CDKAL1: variants seen among roughly 807,000 people sequenced by gnomAD.
CDKAL1 encodes threonylcarbamoyladenosine tRNA methylthiotransferase.
Under a neutral mutation model 68.2 loss-of-function variants are expected in CDKAL1, and 32 were observed. The ratio of observed to expected loss-of-function variants is 0.47; its 90% CI spans 0.35 to 0.63. The LOEUF (loss-of-function observed/expected upper bound fraction) is 0.63. Among genes scored for constraint, CDKAL1 ranks in the 30% least tolerant of loss-of-function variants. The pLI, the probability that CDKAL1 is intolerant of heterozygous loss-of-function variation, is 0.00. For synonymous variants in CDKAL1, 234 were observed against 244.3 expected (o/e 0.96, Z 0.39); for missense variants, 606 against 696.7 (o/e 0.87, Z 1.47).
At chr6:21,225,018 T>TAACA (rs1220426032) in intron 15 of CDKAL1, among the ~76,000 whole-genome samples, 1 of 152,136 alleles carries the variant, frequency 6.6e-6, no homozygotes, top group Admixed American at 6.5e-5. Flanking sequence ...TGCATTCAGC[T>TAACA]AACACTGGCC....
intron 10 of CDKAL1, among the ~76,000 whole-genome samples, chr6:20,958,906 A>G (rs186539751): frequency 6.6e-6 from 1 of 152,338 alleles, no homozygotes; most frequent in Non-Finnish European, 1.5e-5. Context: ...AAAGAAAAAA[A>G]ACCAAACAGT....
intron 9 of CDKAL1, among the ~76,000 whole-genome samples, chr6:20,862,671 G>T (rs1469170503): frequency 6.6e-6 from 1 of 151,446 alleles, no homozygotes; most frequent in Non-Finnish European, 1.5e-5. Flanking sequence ...GTGCGCGCGT[G>T]CATGCGCGCG....
chr6:20,821,053 C>T (rs547986194), intron 8 of CDKAL1, among the ~76,000 whole-genome samples: 7 of 151,796 alleles, frequency 4.6e-5, no homozygotes, highest in East Asian at 1.9e-4. Flanking sequence ...AGGGTCTCAG[C>T]GAAGCAAAAG....
intron 15 of CDKAL1, among the ~76,000 whole-genome samples, chr6:21,204,540 A>C (rs1582412173): frequency 1.3e-5 from 2 of 152,220 alleles, no homozygotes; most frequent in South Asian, 4.1e-4. Flanking sequence ...TAGGACCCTA[A>C]GTCAACATTT....
chr6:20,629,277 T>C (rs139819764), intron 4 of CDKAL1, among the ~76,000 whole-genome samples: 90 of 152,292 alleles, frequency 5.9e-4, no homozygotes, highest in African/African-American at 2.1e-3. Flanking sequence ...TCTTCAGAAA[T>C]GATGCTTTTT....
At chr6:21,127,293 A>G (rs555356677) in intron 13 of CDKAL1, among the ~76,000 whole-genome samples, 2 of 152,348 alleles carry the variant, frequency 1.3e-5, no homozygotes, top group East Asian at 1.9e-4. Flanking sequence ...TTATCATATT[A>G]TCTGTCAAAA....
At chr6:20,925,489 T>A (rs1763145121) in intron 9 of CDKAL1, among the ~76,000 whole-genome samples, 1 of 152,202 alleles carries the variant, frequency 6.6e-6, no homozygotes, top group African/African-American at 2.4e-5. Flanking sequence ...TAGAATATAC[T>A]GTTATAAGAG....
At chr6:20,751,546 A>G (rs753818627) in intron 6 of CDKAL1, among the ~76,000 whole-genome samples, 1 of 152,266 alleles carries the variant, frequency 6.6e-6, no homozygotes, top group Non-Finnish European at 1.5e-5. Context: ...CTGAGTGATT[A>G]GGATACTTTA....
chr6:21,081,971 A>G (rs1323807855), intron 12 of CDKAL1, among the ~76,000 whole-genome samples: 1 of 144,208 alleles, frequency 6.9e-6, no homozygotes, highest in African/African-American at 2.5e-5. Flanking sequence ...GGACTTATAC[A>G]TGTAGTTCCA....
intron 4 of CDKAL1, among the ~76,000 whole-genome samples, chr6:20,620,142 T>C (rs1767112671): frequency 6.6e-6 from 1 of 152,210 alleles, no homozygotes; most frequent in African/African-American, 2.4e-5. Context: ...AGGCTTGGGC[T>C]GAAAGCCTTA....
chr6:21,041,677 G>A (rs1769940863), intron 11 of CDKAL1, among the ~76,000 whole-genome samples: 1 of 145,796 alleles, frequency 6.9e-6, no homozygotes. Flanking sequence ...CTTGCCTATC[G>A]TATTTGGTAC....
intron 13 of CDKAL1, among the ~76,000 whole-genome samples, chr6:21,113,971 G>A (rs1424513341): frequency 6.6e-6 from 1 of 151,446 alleles, no homozygotes; most frequent in African/African-American, 2.4e-5. Flanking sequence ...AGCTCCGGCC[G>A]GGCGCAGTGG....
At chr6:20,944,730 A>G (rs1357474932) in intron 9 of CDKAL1, among the ~76,000 whole-genome samples, 1 of 152,238 alleles carries the variant, frequency 6.6e-6, no homozygotes, top group Non-Finnish European at 1.5e-5. Flanking sequence ...AGAAGCAGAC[A>G]TGTTGGTAGT....
intron 13 of CDKAL1, among the ~76,000 whole-genome samples, chr6:21,193,054 C>G (rs1463262508): frequency 6.6e-6 from 1 of 152,022 alleles, no homozygotes; most frequent in Non-Finnish European, 1.5e-5. Flanking sequence ...CCTGTCCTCA[C>G]ATGATTCTCC....
chr6:20,779,218 C>T (rs774360163), intron 7 of CDKAL1, among the ~76,000 whole-genome samples: 6 of 152,178 alleles, frequency 3.9e-5, no homozygotes, highest in African/African-American at 9.7e-5. Context: ...TGACTGCTTT[C>T]GTAAGCAGTT....
At position 20,835,513 on chromosome 6, in the gene CDKAL1, TGTC is replaced by T. The variant is rs370111762; in HGVS notation, c.639-10561_639-10559del. On this transcript the variant is annotated intron_variant, in intron 8 of 15. Coordinates refer to ENST00000274695, the MANE Select transcript of CDKAL1 (RefSeq NM_017774.3). The stretch of plus-strand genomic sequence containing the variant: ...TGTCTTGTCTTGTCTTGTCTTGTCT[TGTC>T]TTGTCTTTTGTCTTGTCTTGTCTTG... 6.0e-3 allele frequency among the ~76,000 whole-genome samples: 892 copies of T among 149,626 alleles called. 9 individuals are homozygous for T. The highest frequency in any genetic ancestry group is 0.021 in the African/African-American group (851 of 40,498).
chr6:20,546,684 G>A (rs1763619769), intron 3 of CDKAL1, among the ~76,000 whole-genome samples, 161 bp downstream of exon 3: 1 of 151,994 alleles, frequency 6.6e-6, no homozygotes, highest in Non-Finnish European at 1.5e-5. Flanking sequence ...CTCCCTAGTA[G>A]CTGTGATTAC....
chr6:20,580,534 G>A (rs767400107), intron 4 of CDKAL1, among the ~76,000 whole-genome samples: 2 of 151,866 alleles, frequency 1.3e-5, no homozygotes, highest in Non-Finnish European at 2.9e-5. Flanking sequence ...CTAGACTCAG[G>A]GCTTCAGAGT....
chr6:21,041,704 G>C (rs1488284761), intron 11 of CDKAL1, among the ~76,000 whole-genome samples: 1 of 150,864 alleles, frequency 6.6e-6, no homozygotes. Flanking sequence ...ATTTGATAAA[G>C]GTTTTTGTAT....
Sources: allele counts gnomAD v4.1 joint callset (sites outside exome capture counted in the v4.1 genomes callset), GRCh38; gene constraint gnomAD v4.1.1; transcripts MANE v1.5; gene names NCBI Gene and HGNC (gene_info 2026-07-23, HGNC 2026-07-21).